Variants in SAMD4A observed in about 807,000 individuals in gnomAD.
The protein encoded by SAMD4A is sterile alpha motif domain containing 4A, also known as protein Smaug homolog 1.
A neutral mutation model predicts 81.3 loss-of-function variants in SAMD4A; 33 were observed. The ratio of observed to expected loss-of-function variants is 0.41; its 90% CI spans 0.31 to 0.54. The LOEUF is 0.54. SAMD4A is among the 20% of genes least tolerant of loss of function. SAMD4A has a pLI of 0.37. For missense variants in SAMD4A, 854 were observed against 951.1 expected, an observed-to-expected ratio of 0.90 and a Z score of 1.34; for synonymous variants, 389 against 382.1, an observed-to-expected ratio of 1.02 and a Z score of -0.21.
intron 2 of SAMD4A, among the ~76,000 whole-genome samples, chr14:54,569,397 T>A (rs139240397): frequency 3.9e-5 from 6 of 152,286 alleles, no homozygotes; most frequent in Non-Finnish European, 4.4e-5. Flanking sequence ...CTGGAAATCT[T>A]CACAGTTCTT....
chr14:54,603,508 A>C (rs1394519968), intron 2 of SAMD4A, among the ~76,000 whole-genome samples: 2 of 152,216 alleles, frequency 1.3e-5, no homozygotes, highest in African/African-American at 4.8e-5. Flanking sequence ...TTCTGTTCTG[A>C]GTCCAGTGTG....
chr14:54,776,311 A>G (rs2038845814), intron 10 of SAMD4A, 103 bp from the exon 11 acceptor site: 3 of 1,247,906 alleles, frequency 2.4e-6, no homozygotes, highest in African/African-American at 1.6e-5. Flanking sequence ...TCTAGAAGTT[A>G]GAGTTCTCCT....
At chr14:54,694,589 C>A in intron 2 of SAMD4A, 2 of 983,716 alleles carry the variant, frequency 2.0e-6, no homozygotes, top group Non-Finnish European at 2.4e-6. Flanking sequence ...GAAACCTGGG[C>A]TGGAAATACA....
At chr14:54,672,356 AT>A (rs1376106316) in intron 2 of SAMD4A, among the ~76,000 whole-genome samples, 4 of 152,124 alleles carry the variant, frequency 2.6e-5, no homozygotes, top group Non-Finnish European at 5.9e-5. Flanking sequence ...AGGTGGGAAG[AT>A]TAAAACCAAC....
At chr14:54,641,408 A>G (rs1363794952) in intron 2 of SAMD4A, among the ~76,000 whole-genome samples, 2 of 152,212 alleles carry the variant, frequency 1.3e-5, no homozygotes, top group Non-Finnish European at 2.9e-5. Context: ...TTTGAAACTC[A>G]TTTAATGTGA....
chr14:54,573,673 C>T (rs1188227719), intron 2 of SAMD4A, among the ~76,000 whole-genome samples: 2 of 152,314 alleles, frequency 1.3e-5, no homozygotes, highest in Middle Eastern at 3.4e-3. Context: ...CTTCCAAGGC[C>T]TCACTGAGCT....
chr14:54,707,122 G>A (rs1167195710), intron 3 of SAMD4A, among the ~76,000 whole-genome samples: 2 of 53,442 alleles, frequency 3.7e-5, no homozygotes, highest in South Asian at 1.1e-3. Flanking sequence ...TTTTTTTTTT[G>A]AGACAGGCTC....
chr14:54,755,322 G>A (rs1033902442), intron 6 of SAMD4A, among the ~76,000 whole-genome samples: 11 of 152,176 alleles, frequency 7.2e-5, no homozygotes, highest in Middle Eastern at 3.2e-3. Flanking sequence ...CACCCAAGTG[G>A]AAATGGCAAG....
intron 2 of SAMD4A, among the ~76,000 whole-genome samples, chr14:54,593,759 A>G (rs2033843202): frequency 6.6e-6 from 1 of 152,184 alleles, no homozygotes; most frequent in African/African-American, 2.4e-5. Flanking sequence ...TGATAAGTAT[A>G]TTTGGTATTA....
chr14:54,727,166 C>CTTTTTTTTTTTTTTTTTTT lies in SAMD4A; in HGVS notation c.716-9835_716-9817dup, dbSNP rs567831973. Among the ~76,000 whole-genome samples the CTTTTTTTTTTTTTTTTTTT allele has an allele frequency of 3.7e-4, 22 of 59,146 alleles. 6 individuals are homozygous for CTTTTTTTTTTTTTTTTTTT. Among genetic ancestry groups the CTTTTTTTTTTTTTTTTTTT allele is most frequent in the Non-Finnish European group, 6.4e-4 (19 of 29,778 alleles). The allele number at this position is 59,146 out of a possible 152,430, so 38.8% of individuals were successfully genotyped here. On this transcript the variant is annotated intron_variant, in intron 3 of 12. Coordinates refer to ENST00000554335, the MANE Select transcript of SAMD4A (RefSeq NM_015589.6). ...TTATCACAACAGCCTTCTTTTTTTC[C>CTTTTTTTTTTTTTTTTTTT]TTTTTTTTTTTTTTTTTTTTTTTTT...
intron 2 of SAMD4A, among the ~76,000 whole-genome samples, chr14:54,626,115 A>G (rs1311183277): frequency 6.6e-6 from 1 of 150,528 alleles, no homozygotes; most frequent in Non-Finnish European, 1.5e-5. Context: ...AGAAAGAGAC[A>G]TCTTGTTTTT....
chr14:54,743,652 A>T (rs2037897455), intron 4 of SAMD4A, among the ~76,000 whole-genome samples: 1 of 152,214 alleles, frequency 6.6e-6, no homozygotes, highest in Non-Finnish European at 1.5e-5. Flanking sequence ...TTTGTGTCTA[A>T]CATGTCAAAG....
intron 2 of SAMD4A, among the ~76,000 whole-genome samples, chr14:54,602,323 TAC>T (rs3049830): frequency 0.13 from 17,043 of 135,904 alleles, 1,158 homozygotes; most frequent in Middle Eastern, 0.16. Flanking sequence ...TGCTTTAAAA[TAC>T]ACACACACAC....
Position 54,778,884 on chromosome 14 carries a change from G to A in SAMD4A, c.2044+2344G>A, listed in dbSNP as rs115116421. 8.4e-3 allele frequency among the ~76,000 whole-genome samples: 1,273 copies of A among 152,294 alleles called. 20 individuals carry two copies. Among genetic ancestry groups the A allele is most frequent in the African/African-American group, 0.029 (1,197 of 41,558 alleles). On this transcript the variant is annotated intron_variant, in intron 11 of 12. Transcript: ENST00000554335. ...CAGGACCCAGGATCCCTCACTGAAG[G>A]GGAAGGAGGCTGCAGAAGGCCCCTG...
At position 54,790,258 on chromosome 14, in the gene SAMD4A, A is replaced by G. The variant is rs2140005273; in HGVS notation, c.*1314A>G. 1 of 152,484 alleles carries G rather than the reference A, an allele frequency of 6.6e-6. No individual in the cohort carries two copies. Among genetic ancestry groups the G allele is most frequent in the African/African-American group, 2.4e-5 (1 of 41,580 alleles). 9.4% of individuals were successfully genotyped at this position (152,484 alleles called of 1,614,324 possible). On this transcript the variant is annotated 3_prime_UTR_variant, in exon 13 of 13. Transcript: ENST00000554335. Reference sequence around the variant, plus strand: ...GTCAGTCAGCAAGTCCAGAGAGCACATGCAGGGAGATGTTTGGCCCACACC... The same window carrying G: ...GTCAGTCAGCAAGTCCAGAGAGCACGTGCAGGGAGATGTTTGGCCCACACC...
intron 3 of SAMD4A, among the ~76,000 whole-genome samples, chr14:54,713,631 C>T (rs1444800857): frequency 6.6e-6 from 1 of 152,204 alleles, no homozygotes; most frequent in Non-Finnish European, 1.5e-5. Context: ...AGATTTGTTT[C>T]ACAGCCAGCC....
intron 2 of SAMD4A, among the ~76,000 whole-genome samples, chr14:54,659,552 T>C (rs1338919496): frequency 6.6e-6 from 1 of 152,220 alleles, no homozygotes; most frequent in Non-Finnish European, 1.5e-5. Context: ...TAATCAGTCA[T>C]CAAATGACTC....
intron 3 of SAMD4A, among the ~76,000 whole-genome samples, chr14:54,711,916 G>A (rs1311701560): frequency 1.3e-5 from 2 of 152,100 alleles, no homozygotes; most frequent in African/African-American, 4.8e-5. Context: ...CGATTTCAAA[G>A]GTACTTGTTT....
chr14:54,669,140 T>C (rs564950014), intron 2 of SAMD4A, among the ~76,000 whole-genome samples: 1 of 152,336 alleles, frequency 6.6e-6, no homozygotes, highest in South Asian at 2.1e-4. Context: ...TAGCTACAGC[T>C]TGGATCATCA....
Sources: gnomAD v4.1 joint callset for allele counts (sites outside exome capture counted in the v4.1 genomes callset) on GRCh38, gnomAD v4.1.1 for gene constraint, MANE v1.5 for transcripts, NCBI Gene and HGNC (gene_info 2026-07-23, HGNC 2026-07-21) for gene names.